TBC1D1: variants seen among roughly 807,000 people sequenced by gnomAD.
TBC1D1 encodes the protein TBC1 domain family member 1.
Under a neutral mutation model 125.6 loss-of-function variants are expected in TBC1D1, and 89 were observed. The ratio of observed to expected loss-of-function variants is 0.71; its 90% confidence interval spans 0.60 to 0.85. The LOEUF (loss-of-function observed/expected upper bound fraction) is 0.85, where lower values mean the gene tolerates loss of function less well. TBC1D1 is among the 40% of genes least tolerant of loss of function. The pLI is 0.00. For missense variants in TBC1D1, 1,377 were observed against 1,469.2 expected, an observed-to-expected ratio of 0.94 and a Z score of 1.03; for synonymous variants, 565 against 564.1, an observed-to-expected ratio of 1.00 and a Z score of -0.02.
At chr4:37,982,502 C>A (rs1428106941) in intron 2 of TBC1D1, among the ~76,000 whole-genome samples, 4 of 152,168 alleles carry the variant, frequency 2.6e-5, no homozygotes, top group African/African-American at 9.7e-5. Flanking sequence ...GCTGGTATAA[C>A]CCTGACCAGG....
intron 17 of TBC1D1, among the ~76,000 whole-genome samples, chr4:38,124,747 A>AG (rs1178200079): frequency 1.3e-5 from 2 of 152,320 alleles, no homozygotes; most frequent in African/African-American, 4.8e-5. Flanking sequence ...TTATTTTCAG[A>AG]GTAAAACATA....
chr4:38,078,278 G>A (rs1323017839), intron 12 of TBC1D1, among the ~76,000 whole-genome samples: 3 of 152,128 alleles, frequency 2.0e-5, no homozygotes, highest in African/African-American at 7.2e-5. Context: ...CCTTTCCATC[G>A]TAATAAAGCC....
intron 12 of TBC1D1, among the ~76,000 whole-genome samples, chr4:38,084,013 C>T (rs1246169993): frequency 6.7e-6 from 1 of 150,206 alleles, no homozygotes; most frequent in Non-Finnish European, 1.5e-5. Flanking sequence ...TCTTGGCTCA[C>T]TGCAAGCTCC....
chr4:37,964,542 C>T (rs920452011), intron 2 of TBC1D1, among the ~76,000 whole-genome samples: 8 of 152,156 alleles, frequency 5.3e-5, no homozygotes, highest in Admixed American at 1.3e-4. Flanking sequence ...ACAGAAAGGA[C>T]CAATGTGCCT....
intron 2 of TBC1D1, among the ~76,000 whole-genome samples, chr4:37,993,737 G>A (rs1429628592): frequency 3.9e-5 from 6 of 152,030 alleles, no homozygotes; most frequent in South Asian, 2.1e-4. Context: ...GCCCGCCACC[G>A]TACCCAGCTA....
chr4:38,056,108 C>T (rs1347368044), intron 12 of TBC1D1, among the ~76,000 whole-genome samples: 1 of 152,194 alleles, frequency 6.6e-6, no homozygotes, highest in Non-Finnish European at 1.5e-5. Flanking sequence ...CAGACTGAGC[C>T]GCATCCTGCC....
intron 2 of TBC1D1, among the ~76,000 whole-genome samples, chr4:37,922,743 T>C (rs1386104480): frequency 6.6e-6 from 1 of 152,204 alleles, no homozygotes; most frequent in African/African-American, 2.4e-5. Context: ...AGCACCTCTA[T>C]ATAGTCCACT....
At chr4:38,123,301 C>A (rs1764150516) in intron 17 of TBC1D1, among the ~76,000 whole-genome samples, 1 of 152,138 alleles carries the variant, frequency 6.6e-6, no homozygotes, top group Non-Finnish European at 1.5e-5. Context: ...GAAAGGAGGT[C>A]TAGGAAGTCT....
intron 2 of TBC1D1, among the ~76,000 whole-genome samples, chr4:37,946,652 A>T (rs1726755234): frequency 1.3e-5 from 2 of 152,180 alleles, no homozygotes; most frequent in African/African-American, 4.8e-5. Context: ...GACCTGCAGG[A>T]AGAGGAAGCC....
In TBC1D1 at chr4:38,137,502, G is replaced by T; in HGVS notation, c.*167G>T. On this transcript the variant is annotated 3_prime_UTR_variant, in exon 20 of 20. Coordinates refer to ENST00000261439, the MANE Select transcript of TBC1D1 (RefSeq NM_015173.4). ...CGAACTCCAACTTGCAATTCAGGGGGCATGTCCCAGTGTTTTTTTTGTTGT... is the reference window on the plus strand; with the variant it reads ...CGAACTCCAACTTGCAATTCAGGGGTCATGTCCCAGTGTTTTTTTTGTTGT... The T allele has an allele frequency of 1.0e-6, 1 of 981,198 alleles. No homozygotes were observed. The highest frequency in any genetic ancestry group is 1.4e-6 in the Non-Finnish European group (1 of 740,444). 60.8% of individuals were successfully genotyped at this position (981,198 alleles called of 1,614,324 possible).
chr4:37,995,574 AC>A lies in TBC1D1; in HGVS notation c.418-18934del, dbSNP rs1737624622. On this transcript the variant is annotated intron_variant, in intron 2 of 19. Transcript: ENST00000261439. The surrounding 1 kb of genome is among the most constrained non-coding windows in gnomAD (Gnocchi z 4.3). The stretch of plus-strand genomic sequence containing the variant: ...TGCTGATGATATGATAAAGCTCAGC[AC>A]AGAAGGCCTTCAGGTCCAGTACCCT... 4.5e-6 allele frequency: 2 copies of A among 440,816 alleles called. No individual in the cohort carries two copies. Among genetic ancestry groups the A allele is most frequent in the Non-Finnish European group, 8.9e-6 (2 of 225,592 alleles). 27.3% of individuals were successfully genotyped at this position (440,816 alleles called of 1,614,324 possible). A position where few individuals can be genotyped will look rare whatever the true frequency, so the allele number is the denominator to read the frequency against.
intron 18 of TBC1D1, among the ~76,000 whole-genome samples, chr4:38,129,525 T>TA (rs1028008699): frequency 6.6e-6 from 1 of 152,172 alleles, no homozygotes; most frequent in African/African-American, 2.4e-5. Flanking sequence ...TTGTTGCTGA[T>TA]ACCAGGCCGA....
rs148868230 is a variant in TBC1D1, at chr4:38,021,369, C to T, written c.1078-217C>T. The stretch of plus-strand genomic sequence containing the variant: ...GGGTGGGGACACAGCCAAACCATAT[C>T]ATTTACCTTACCTGCTTTAAGAGCT... On this transcript the variant is annotated intron_variant, in intron 5 of 19. Transcript: ENST00000261439. Among the ~76,000 whole-genome samples, 321 of 152,320 alleles carry T rather than the reference C, an allele frequency of 2.1e-3. 1 individual carries two copies. The highest frequency in any genetic ancestry group is 7.2e-3 in the African/African-American group (298 of 41,566).
intron 12 of TBC1D1, among the ~76,000 whole-genome samples, chr4:38,062,463 A>G (rs1752938377): frequency 6.6e-6 from 1 of 152,154 alleles, no homozygotes; most frequent in South Asian, 2.1e-4. Flanking sequence ...GTGGATTTTT[A>G]AGATTGTTCT....
intron 14 of TBC1D1, among the ~76,000 whole-genome samples, chr4:38,097,115 T>C (rs960802469): frequency 1.3e-5 from 2 of 152,302 alleles, no homozygotes; most frequent in East Asian, 3.9e-4. Flanking sequence ...ATGTATAGAA[T>C]GGGTTTTTCC....
At chr4:38,104,945 C>CG (rs1761030672) in intron 15 of TBC1D1, among the ~76,000 whole-genome samples, 2 of 151,772 alleles carry the variant, frequency 1.3e-5, no homozygotes, top group African/African-American at 4.8e-5. Flanking sequence ...TTAGTAGAGA[C>CG]GGGGTTTCAC....
At chr4:38,067,065 TG>T (rs1393223245) in intron 12 of TBC1D1, among the ~76,000 whole-genome samples, 1 of 151,896 alleles carries the variant, frequency 6.6e-6, no homozygotes, top group Non-Finnish European at 1.5e-5. Flanking sequence ...TTAGTAAAGA[TG>T]GGGTTTCACC....
At position 38,137,295 on chromosome 4, in the gene TBC1D1, G is replaced by A. The variant is rs145834587; in HGVS notation, c.3467G>A (p.Arg1156Gln). 1,310 of 1,611,510 alleles carry A rather than the reference G, an allele frequency of 8.1e-4. 1 individual carries two copies. The highest frequency in any genetic ancestry group is 1.0e-3 in the Non-Finnish European group (1,193 of 1,179,860). The change falls in exon 20 of 20, where the codon CGG (arginine) becomes CAG (glutamine). Residue 1156 changes from arginine to glutamine, a missense_variant. This residue lies in a region of TBC1D1 where 543 missense variants were observed against 613.5 expected (regional missense o/e 0.89). Transcript: ENST00000261439. ...CGGCGGAGCGCAGAGCCCAGCGACC[G>A]GGAGCCTGAGTGCACGCAGCCCGAG...
intron 2 of TBC1D1, among the ~76,000 whole-genome samples, chr4:37,929,471 G>A (rs917513292): frequency 1.3e-5 from 2 of 152,164 alleles, no homozygotes; most frequent in Non-Finnish European, 2.9e-5. Context: ...CCCCACCCTC[G>A]GACCCCTGGC....
Sources: allele counts gnomAD v4.1 joint callset (sites outside exome capture counted in the v4.1 genomes callset), GRCh38; gene constraint gnomAD v4.1.1; regional missense constraint gnomAD v4.1.1; non-coding constraint Gnocchi (gnomAD v3.1); transcripts MANE v1.5; gene names NCBI Gene and HGNC (gene_info 2026-07-23, HGNC 2026-07-21).